CDH18: variants seen among roughly 807,000 people sequenced by gnomAD.
CDH18 encodes the protein cadherin 18.
In CDH18, 31 loss-of-function variants were observed where a neutral mutation model predicts 67.9. The ratio of observed to expected loss-of-function variants is 0.46; its 90% CI spans 0.34 to 0.62. The LOEUF is 0.62. Among genes scored for constraint, CDH18 ranks in the 20% least tolerant of loss-of-function variants. The pLI, the probability that CDH18 is intolerant of heterozygous loss-of-function variation, is 0.01. For missense variants in CDH18, 890 were observed against 975.5 expected, an observed-to-expected ratio of 0.91 and a Z score of 1.17; for synonymous variants, 362 against 347.2, an observed-to-expected ratio of 1.04 and a Z score of -0.48.
At chr5:20,483,831 A>G (rs1197447901) in intron 1 of CDH18, among the ~76,000 whole-genome samples, 2 of 151,964 alleles carry the variant, frequency 1.3e-5, no homozygotes, top group Non-Finnish European at 2.9e-5. Context: ...GAAACTAGTA[A>G]AAGACAACCT....
At chr5:19,851,166 GT>G (rs1487568270) in intron 2 of CDH18, among the ~76,000 whole-genome samples, 3 of 151,744 alleles carry the variant, frequency 2.0e-5, no homozygotes, top group African/African-American at 7.2e-5. Flanking sequence ...AATTTGCCAT[GT>G]TGTTAATATA....
rs146793722 is a variant in CDH18, at chr5:20,542,437, C to T, written c.-580+33025G>A. 3.7e-3 allele frequency among the ~76,000 whole-genome samples: 559 copies of T among 151,280 alleles called. 8 individuals carry two copies. The highest frequency in any genetic ancestry group is 0.013 in the African/African-American group (535 of 41,246). ...AGCATTATAGTATATAAATACATAG[C>T]AATGTGTGTGTGTATACACATACAC... On this transcript the variant is annotated intron_variant, in intron 1 of 14. Coordinates refer to the CDH18 transcript ENST00000507958.
intron 1 of CDH18, among the ~76,000 whole-genome samples, chr5:20,371,495 A>C (rs1261344299): frequency 6.6e-6 from 1 of 152,212 alleles, no homozygotes; most frequent in Non-Finnish European, 1.5e-5. Context: ...TTTAAGAAGC[A>C]GTGGGTGGAG....
At chr5:20,026,847 C>T (rs1738946170) in intron 2 of CDH18, among the ~76,000 whole-genome samples, 1 of 152,008 alleles carries the variant, frequency 6.6e-6, no homozygotes, top group South Asian at 2.1e-4. Context: ...GTCCCAGCTA[C>T]TCGGGAGGCT....
chr5:20,562,016 A>G lies in CDH18; in HGVS notation c.-580+13446T>C, dbSNP rs549762153. Among the ~76,000 whole-genome samples, 3 of 152,060 alleles carry G rather than the reference A, an allele frequency of 2.0e-5. No individual in the cohort carries two copies. In the South Asian group the frequency reaches 6.2e-4, roughly 31 times the overall value. On this transcript the variant is annotated intron_variant, in intron 1 of 14. Coordinates refer to the CDH18 transcript ENST00000507958. ...ATAGGCTATTATGAACAAAAAGTGT[A>G]TGCAATAAATTTTACAGCAATATTC...
At chr5:20,195,282 T>C (rs1202588454) in intron 2 of CDH18, among the ~76,000 whole-genome samples, 1 of 152,046 alleles carries the variant, frequency 6.6e-6, no homozygotes, top group East Asian at 1.9e-4. Context: ...TTTAACCACA[T>C]AAATTTATGT....
chr5:20,493,967 T>G (rs2471127), intron 1 of CDH18, among the ~76,000 whole-genome samples: 141,852 of 151,896 alleles, frequency 0.93, 66,481 homozygotes, highest in South Asian at 0.98. Flanking sequence ...AAACCAGCCT[T>G]GTGCAGTGGC....
intron 2 of CDH18, among the ~76,000 whole-genome samples, chr5:19,972,837 T>C (rs1476624382): frequency 1.3e-5 from 2 of 152,056 alleles, no homozygotes; most frequent in African/African-American, 2.4e-5. Context: ...TTCACAGTTA[T>C]ATTATTTGTA....
intron 2 of CDH18, among the ~76,000 whole-genome samples, chr5:20,067,351 T>C (rs1005428010): frequency 6.6e-6 from 1 of 151,498 alleles, no homozygotes; most frequent in Admixed American, 6.6e-5. Flanking sequence ...CAGTTTATTT[T>C]AGACTTCCTC....
At chr5:20,407,683 G>T (rs886810113) in intron 1 of CDH18, among the ~76,000 whole-genome samples, 5 of 151,044 alleles carry the variant, frequency 3.3e-5, no homozygotes, top group African/African-American at 9.7e-5. Flanking sequence ...TTAAATGCAG[G>T]TTGCTTTGAA....
chr5:19,828,406 C>A lies in CDH18; in HGVS notation c.228+10353G>T, dbSNP rs190271585. Among the ~76,000 whole-genome samples, 221 of 151,436 alleles carry A rather than the reference C, an allele frequency of 1.5e-3. 2 individuals are homozygous for A. The highest frequency in any genetic ancestry group is 4.8e-3 in the African/African-American group (198 of 41,224). On this transcript the variant is annotated intron_variant, in intron 3 of 12. Transcript: ENST00000382275. ...TCCTGATACAAAAATCTGTCAGATA[C>A]ACAACAAAAACAACAGCAACAACAA...
chr5:20,070,996 C>G (rs1381615543), intron 2 of CDH18, among the ~76,000 whole-genome samples: 1 of 152,048 alleles, frequency 6.6e-6, no homozygotes, highest in African/African-American at 2.4e-5. Context: ...ATTTAATGAA[C>G]GTATTTAGCC....
chr5:19,771,494 AAGG>A (rs1184229869), intron 3 of CDH18, among the ~76,000 whole-genome samples: 1 of 152,150 alleles, frequency 6.6e-6, no homozygotes. Context: ...GGTATCTTGG[AAGG>A]AGATTTTCCA....
At chr5:19,994,778 G>A (rs1196168161) in intron 2 of CDH18, among the ~76,000 whole-genome samples, 7 of 83,694 alleles carry the variant, frequency 8.4e-5, no homozygotes, top group East Asian at 3.8e-4. Flanking sequence ...GAGAGAGAGA[G>A]AGAGAGAGAG....
At chr5:20,053,967 T>C (rs1898163) in intron 2 of CDH18, among the ~76,000 whole-genome samples, 114,847 of 151,926 alleles carry the variant, frequency 0.76, 46,410 homozygotes, top group Non-Finnish European at 0.9. Context: ...GCAATTCAAC[T>C]CCTTTCTCTG....
intron 2 of CDH18, among the ~76,000 whole-genome samples, chr5:20,189,049 C>G (rs1204775722): frequency 1.3e-5 from 2 of 152,036 alleles, no homozygotes; most frequent in African/African-American, 4.8e-5. Context: ...AGATTAATAT[C>G]TAACTGCAGG....
intron 2 of CDH18, among the ~76,000 whole-genome samples, chr5:20,189,637 C>G (rs1158106053): frequency 6.6e-6 from 1 of 152,076 alleles, no homozygotes; most frequent in Non-Finnish European, 1.5e-5. Flanking sequence ...GAACCAAGGT[C>G]AAAAAGCTAG....
intron 3 of CDH18, among the ~76,000 whole-genome samples, chr5:19,778,655 T>C (rs1774694677): frequency 2.0e-5 from 3 of 152,168 alleles, no homozygotes; most frequent in Admixed American, 6.5e-5. Context: ...TGTCACCATG[T>C]GATATGGACT....
intron 1 of CDH18, among the ~76,000 whole-genome samples, chr5:20,476,086 T>C (rs1400217444): frequency 2.6e-5 from 4 of 151,578 alleles, no homozygotes; most frequent in Non-Finnish European, 2.9e-5. Flanking sequence ...AATTCTCAGC[T>C]TGCTTTCAAT....
Sources: gnomAD v4.1 joint callset for allele counts (sites outside exome capture counted in the v4.1 genomes callset) on GRCh38, gnomAD v4.1.1 for gene constraint, MANE v1.5 for transcripts, NCBI Gene and HGNC (gene_info 2026-07-23, HGNC 2026-07-21) for gene names.